PROX1: variants seen among roughly 807,000 people sequenced by gnomAD.
PROX1 encodes the protein prospero homeobox 1.
In PROX1, 7 loss-of-function variants were observed where a neutral mutation model predicts 58.8. The ratio of observed to expected loss-of-function variants is 0.12; its 90% CI spans 0.07 to 0.22. The LOEUF (loss-of-function observed/expected upper bound fraction) is 0.22, where lower values mean the gene tolerates loss of function less well. Among genes scored for constraint, PROX1 ranks in the 10% least tolerant of loss-of-function variants. The pLI is 1.00. For synonymous variants in PROX1, 350 were observed against 358.3 expected (o/e 0.98, Z 0.26); for missense variants, 675 against 927.8 (o/e 0.73, Z 3.54).
chr1:214,008,278 C>T (rs1162203244), intron 3 of PROX1, among the ~76,000 whole-genome samples: 1 of 152,104 alleles, frequency 6.6e-6, no homozygotes, highest in Non-Finnish European at 1.5e-5. Context: ...TTGTCTTGAA[C>T]TCCTGACCTC....
upstream of PROX1, chr1:213,984,569 AG>A (rs1279437257): frequency 6.6e-6 from 1 of 152,310 alleles, no homozygotes; most frequent in African/African-American, 2.4e-5. Flanking sequence ...CCCCCCATTC[AG>A]AACAAATCCA....
At chr1:214,010,794 G>A (rs1440292464) in intron 3 of PROX1, among the ~76,000 whole-genome samples, 1 of 152,212 alleles carries the variant, frequency 6.6e-6, no homozygotes, top group African/African-American at 2.4e-5. Flanking sequence ...TATGCCATCT[G>A]TGTACTGTGT....
At chr1:214,008,889 A>T (rs1663812156) in intron 3 of PROX1, among the ~76,000 whole-genome samples, 1 of 152,196 alleles carries the variant, frequency 6.6e-6, no homozygotes, top group African/African-American at 2.4e-5. Context: ...AGCTCAGCTC[A>T]TCGGGGCTAC....
chr1:214,004,209 C>G (rs1663626996), intron 2 of PROX1, among the ~76,000 whole-genome samples: 1 of 152,170 alleles, frequency 6.6e-6, no homozygotes, highest in Middle Eastern at 3.2e-3. Flanking sequence ...GTGACCAGAG[C>G]CATCCCAGCT....
chr1:213,998,400 T>G, intron 2 of PROX1, 140 bp downstream of exon 2: 1 of 1,063,042 alleles, frequency 9.4e-7, no homozygotes, highest in Non-Finnish European at 1.3e-6. Context: ...AGGAATAGGC[T>G]TTTATCAGCA....
At chr1:214,027,455 C>A (rs1558186581) in intron 4 of PROX1, among the ~76,000 whole-genome samples, 1 of 152,168 alleles carries the variant, frequency 6.6e-6, no homozygotes, top group Non-Finnish European at 1.5e-5. Flanking sequence ...GACAATTTAA[C>A]CCCTTTCACC....
chr1:214,031,349 CAA>C (rs947192368), intron 4 of PROX1, among the ~76,000 whole-genome samples: 217 of 152,086 alleles, frequency 1.4e-3, no homozygotes, highest in African/African-American at 5.1e-3. Context: ...TTTATCAAAA[CAA>C]AGTTTCCACT....
upstream of PROX1, chr1:213,987,434 C>A (rs1558163181): frequency 6.6e-6 from 1 of 151,098 alleles, no homozygotes; most frequent in Non-Finnish European, 1.5e-5. Flanking sequence ...ACCCCCACCC[C>A]TAAAACCCCC....
chr1:214,020,188 ATC>A (rs1343181618), intron 4 of PROX1, among the ~76,000 whole-genome samples: 1 of 152,112 alleles, frequency 6.6e-6, no homozygotes, highest in Non-Finnish European at 1.5e-5. Flanking sequence ...ATTGCTTATT[ATC>A]TGTGTGCCTT....
At chr1:213,989,867 A>C (rs1483596710) in intron 1 of PROX1, 1 of 152,314 alleles carries the variant, frequency 6.6e-6, no homozygotes, top group Non-Finnish European at 1.5e-5. Flanking sequence ...GACAGAGAAC[A>C]GAACTAGAAG....
chr1:214,026,622 CAT>C (rs888846984), intron 4 of PROX1, among the ~76,000 whole-genome samples: 2 of 152,154 alleles, frequency 1.3e-5, no homozygotes, highest in Non-Finnish European at 2.9e-5. Flanking sequence ...TTTAACAACA[CAT>C]ATGTTATCAA....
chr1:214,004,657 G>T (rs1057413713), intron 2 of PROX1, among the ~76,000 whole-genome samples: 1 of 152,090 alleles, frequency 6.6e-6, no homozygotes, highest in Non-Finnish European at 1.5e-5. Flanking sequence ...AACACTAAAA[G>T]GTAAAATGTG....
chr1:214,034,282 A>C (rs911183349), intron 4 of PROX1, among the ~76,000 whole-genome samples: 1 of 152,224 alleles, frequency 6.6e-6, no homozygotes, highest in African/African-American at 2.4e-5. Flanking sequence ...GTGGGAAGAA[A>C]GAGATGAAAC....
intron 4 of PROX1, among the ~76,000 whole-genome samples, chr1:214,026,513 C>T (rs1477091628): frequency 5.9e-5 from 9 of 152,110 alleles, no homozygotes; most frequent in South Asian, 2.1e-4. Flanking sequence ...ATTTATTAAA[C>T]GTAGAATAGA....
rs765586199 is a variant in PROX1, at chr1:213,996,650, G to A, written c.115G>A (p.Ala39Thr). Residue 39 changes from alanine (A) to threonine (T), a missense_variant, in exon 2 of 5, where the codon GCA (alanine) becomes ACA (threonine). Ala to Thr is a moderately conservative substitution (Grantham distance 58). Transcript: ENST00000366958. ...ATCTGCATTTTTTGCTAAGGCAAGA[G>A]CAACGTTTTTTAGTGCCATGAATCC... ...TASAFFAKAR[A>T]TFFSAMNPQG... 26 of 1,614,068 alleles carry A rather than the reference G, an allele frequency of 1.6e-5. No homozygotes were observed. Among genetic ancestry groups the A allele is most frequent in the Non-Finnish European group, 1.9e-5 (23 of 1,180,056 alleles).
chr1:214,026,185 T>G (rs1196295475), intron 4 of PROX1, among the ~76,000 whole-genome samples: 1 of 152,244 alleles, frequency 6.6e-6, no homozygotes, highest in African/African-American at 2.4e-5. Flanking sequence ...AATCACTTTT[T>G]AAGACCTATG....
Position 213,996,546 on chromosome 1 carries a change from A to G in PROX1, c.11A>G (p.His4Arg). 6.2e-7 allele frequency: 1 copy of G among 1,613,328 alleles called. No individual in the cohort carries two copies. The highest frequency in any genetic ancestry group is 1.1e-5 in the South Asian group (1 of 90,980). The change falls in exon 2 of 5, where the codon CAT (histidine) becomes CGT (arginine). Residue 4 changes from histidine to arginine, a missense_variant. Coordinates refer to ENST00000366958, the MANE Select transcript of PROX1 (RefSeq NM_001270616.2). The part of the protein sequence containing the change: MPD[H>R]DSTALLSRQT... The stretch of plus-strand genomic sequence containing the variant: ...AATAACCGTCCAGTGATGCCTGACC[A>G]TGACAGCACAGCCCTCTTAAGCCGG...
chr1:214,029,624 A>G (rs943827972), intron 4 of PROX1: 9 of 152,210 alleles, frequency 5.9e-5, no homozygotes, highest in Non-Finnish European at 1.2e-4. Flanking sequence ...CTGCTTCAGC[A>G]TTAGATATAT....
intron 4 of PROX1, among the ~76,000 whole-genome samples, chr1:214,019,127 A>G (rs1325490225): frequency 6.6e-6 from 1 of 152,174 alleles, no homozygotes; most frequent in African/African-American, 2.4e-5. Flanking sequence ...CTGGCAGGTG[A>G]CAAGGCCTGC....
Sources: gnomAD v4.1 joint callset for allele counts (sites outside exome capture counted in the v4.1 genomes callset) on GRCh38, gnomAD v4.1.1 for gene constraint, MANE v1.5 for transcripts, NCBI Gene and HGNC (gene_info 2026-07-23, HGNC 2026-07-21) for gene names.